The following WWOX variants were observed in gnomAD, a reference collection of about 807,000 sequenced individuals.
The protein encoded by WWOX is WW domain containing oxidoreductase.
WWOX carries 69 observed loss-of-function variants against 46.2 expected under a neutral mutation model. The ratio of observed to expected loss-of-function variants is 1.49; its 90% confidence interval spans 1.23 to 1.82. The LOEUF (loss-of-function observed/expected upper bound fraction) is 1.82, where lower values mean the gene tolerates loss of function less well. WWOX is among the 40% of genes most tolerant of loss of function. WWOX has a pLI of 0.00. For missense variants in WWOX, 919 were observed against 542.6 expected (o/e 1.69, Z -6.89); for synonymous variants, 359 against 202.6 (o/e 1.77, Z -6.56).
At chr16:78,394,484 G>A (rs1030953630) in intron 6 of WWOX, among the ~76,000 whole-genome samples, 9 of 151,978 alleles carry the variant, frequency 5.9e-5, no homozygotes, top group Non-Finnish European at 8.8e-5. Flanking sequence ...TCCCTCCTAA[G>A]CAAAATTTTG....
intron 6 of WWOX, among the ~76,000 whole-genome samples, chr16:78,389,214 G>T (rs2082125697): frequency 6.6e-6 from 1 of 152,200 alleles, no homozygotes; most frequent in African/African-American, 2.4e-5. Context: ...GAACTATCAA[G>T]AGGCACCTCA....
At chr16:78,421,178 T>G (rs928879559) in intron 6 of WWOX, among the ~76,000 whole-genome samples, 1 of 152,214 alleles carries the variant, frequency 6.6e-6, no homozygotes, top group African/African-American at 2.4e-5. Flanking sequence ...TTACCACAGA[T>G]GGAGTGCCTC....
chr16:79,159,840 A>G lies in WWOX; in HGVS notation c.1057-51768A>G, dbSNP rs565527528. Among the ~76,000 whole-genome samples, 4 of 152,256 alleles carry G rather than the reference A, an allele frequency of 2.6e-5. No individual in the cohort carries two copies. The South Asian group carries it at 8.3e-4, about 32-fold the overall frequency. ...TAGTTGAGTCAGGATTTATTTCTCC[A>G]TTCTCGCCTTCTAGCCTGGGCTTGT... On this transcript the variant is annotated intron_variant, in intron 8 of 8. Transcript: ENST00000566780.
intron 8 of WWOX, among the ~76,000 whole-genome samples, chr16:78,707,866 T>G (rs1455854647): frequency 4.6e-5 from 7 of 151,016 alleles, no homozygotes; most frequent in Non-Finnish European, 8.9e-5. Flanking sequence ...AATAAATAAA[T>G]AAATAAATAA....
intron 8 of WWOX, among the ~76,000 whole-genome samples, chr16:78,970,934 G>T (rs2046456721): frequency 6.6e-6 from 1 of 152,050 alleles, no homozygotes; most frequent in African/African-American, 2.4e-5. Flanking sequence ...TCTCTGTTTT[G>T]CTTACTTCTG....
intron 8 of WWOX, among the ~76,000 whole-genome samples, chr16:78,482,606 T>C (rs2084522407): frequency 1.3e-5 from 2 of 152,208 alleles, no homozygotes. Flanking sequence ...GCATGTGATT[T>C]CTAATTTCCT....
At chr16:78,806,566 A>T (rs115958190) in intron 8 of WWOX, among the ~76,000 whole-genome samples, 1 of 152,044 alleles carries the variant, frequency 6.6e-6, no homozygotes, top group Non-Finnish European at 1.5e-5. Context: ...TGGAGGGTCT[A>T]TTGGCTGGAA....
At chr16:78,392,010 C>G (rs1409357263) in intron 6 of WWOX, among the ~76,000 whole-genome samples, 1 of 137,060 alleles carries the variant, frequency 7.3e-6, no homozygotes, top group Non-Finnish European at 1.5e-5. Flanking sequence ...TTTTTTTTTC[C>G]TTAAAAAAAT....
intron 8 of WWOX, among the ~76,000 whole-genome samples, chr16:78,531,981 A>G (rs1048188138): frequency 6.6e-6 from 1 of 152,130 alleles, no homozygotes; most frequent in African/African-American, 2.4e-5. Context: ...GTAAAGTAAT[A>G]AACAAATAAG....
chr16:78,760,592 C>G (rs1324182754), intron 8 of WWOX, among the ~76,000 whole-genome samples: 2 of 152,168 alleles, frequency 1.3e-5, no homozygotes, highest in African/African-American at 4.8e-5. Context: ...GGTTTTGTGT[C>G]TGTGTCTCCC....
chr16:79,197,907 C>T (rs1330552601), intron 8 of WWOX, among the ~76,000 whole-genome samples: 1 of 152,110 alleles, frequency 6.6e-6, no homozygotes, highest in Non-Finnish European at 1.5e-5. Flanking sequence ...GTTATGCTTC[C>T]CAGCCTCTAG....
intron 6 of WWOX, among the ~76,000 whole-genome samples, chr16:78,399,995 G>C (rs987702763): frequency 1.3e-5 from 2 of 152,162 alleles, no homozygotes; most frequent in Non-Finnish European, 2.9e-5. Context: ...TTTTAGTTGA[G>C]CTACTTGTCA....
chr16:78,752,347 A>T (rs537214221), intron 8 of WWOX, among the ~76,000 whole-genome samples: 2 of 152,172 alleles, frequency 1.3e-5, no homozygotes, highest in Non-Finnish European at 2.9e-5. Flanking sequence ...GAGTACAGTG[A>T]TGCGATCTCA....
intron 8 of WWOX, among the ~76,000 whole-genome samples, chr16:79,140,880 G>A (rs1408233921): frequency 2.0e-5 from 3 of 152,152 alleles, no homozygotes; most frequent in Non-Finnish European, 4.4e-5. Flanking sequence ...TCACACCTCT[G>A]TTCTGCATGT....
At chr16:78,686,403 C>T (rs1246311616) in intron 8 of WWOX, among the ~76,000 whole-genome samples, 3 of 151,394 alleles carry the variant, frequency 2.0e-5, no homozygotes, top group Non-Finnish European at 2.9e-5. Flanking sequence ...CCCAGCTAGT[C>T]GGGAGGCCGA....
intron 8 of WWOX, among the ~76,000 whole-genome samples, chr16:78,704,643 G>T (rs897373469): frequency 2.0e-5 from 3 of 152,150 alleles, no homozygotes; most frequent in Non-Finnish European, 4.4e-5. Flanking sequence ...GGTCTAAACT[G>T]CAGGAAGGGT....
intron 8 of WWOX, among the ~76,000 whole-genome samples, chr16:78,986,572 T>C (rs1253935622): frequency 2.6e-5 from 4 of 152,220 alleles, no homozygotes; most frequent in Non-Finnish European, 4.4e-5. Flanking sequence ...GACAAACCGA[T>C]AGGCTACTTG....
intron 8 of WWOX, among the ~76,000 whole-genome samples, chr16:79,088,983 C>T (rs186706821): frequency 6.6e-6 from 1 of 152,144 alleles, no homozygotes; most frequent in South Asian, 2.1e-4. Context: ...ATAGGATGAA[C>T]TCAATGTACC....
At chr16:78,804,032 G>A (rs1597639771) in intron 8 of WWOX, among the ~76,000 whole-genome samples, 1 of 152,070 alleles carries the variant, frequency 6.6e-6, no homozygotes, top group Admixed American at 6.6e-5. Flanking sequence ...ATCACTATGA[G>A]ATGGAAACAC....
Sources: allele counts gnomAD v4.1 joint callset (sites outside exome capture counted in the v4.1 genomes callset), GRCh38; gene constraint gnomAD v4.1.1; transcripts MANE v1.5; gene names NCBI Gene and HGNC (gene_info 2026-07-23, HGNC 2026-07-21).